The following FHIP2A variants were observed in gnomAD, a reference collection of about 807,000 sequenced individuals.
FHIP2A encodes the protein family with sequence similarity 160 member B1.
Under a neutral mutation model 93.5 loss-of-function variants are expected in FHIP2A, and 46 were observed. The observed-to-expected ratio is 0.49, with a 90% CI of 0.39 to 0.63. The LOEUF (loss-of-function observed/expected upper bound fraction) is 0.63. Ranked by LOEUF, FHIP2A falls within the 20% of genes least tolerant of loss-of-function variation. The pLI is 0.00. For synonymous variants in FHIP2A, 332 were observed against 326.5 expected, an observed-to-expected ratio of 1.02 and a Z score of -0.18; for missense variants, 769 against 909.7, an observed-to-expected ratio of 0.85 and a Z score of 1.99.
chr10:114,852,999 A>C (rs1453205597), intron 13 of FHIP2A, among the ~76,000 whole-genome samples: 1 of 151,870 alleles, frequency 6.6e-6, no homozygotes, highest in Non-Finnish European at 1.5e-5. Flanking sequence ...TATTCTTTTT[A>C]CCCTCTTCCT....
rs2083750524 is a variant in FHIP2A at position 114,853,817 on chromosome 10, G to A, written c.1804-1380G>A. On this transcript the variant is annotated intron_variant, in intron 13 of 16. Transcript: ENST00000369248. The stretch of plus-strand genomic sequence containing the variant: ...AGCTGGAGACCAGCCTGGCCAACAT[G>A]GTGAAACCCCATCTCTACTAAAAAT... Among the ~76,000 whole-genome samples, 4 of 152,060 alleles carry A rather than the reference G, an allele frequency of 2.6e-5. No homozygotes were observed. The South Asian group carries it at 6.2e-4, about 24-fold the overall frequency.
intron 16 of FHIP2A, among the ~76,000 whole-genome samples, chr10:114,895,702 A>G (rs2083997691): frequency 6.6e-6 from 1 of 152,202 alleles, no homozygotes; most frequent in Non-Finnish European, 1.5e-5. Flanking sequence ...CAGTGAGTAA[A>G]TACATGGTAG....
intron 13 of FHIP2A, among the ~76,000 whole-genome samples, chr10:114,851,921 TTA>T (rs2083739364): frequency 6.6e-6 from 1 of 152,190 alleles, no homozygotes; most frequent in Non-Finnish European, 1.5e-5. Context: ...ACTTCCTTCA[TTA>T]AATCTATTCC....
chr10:114,870,113 A>G (rs1046576317), intron 16 of FHIP2A, among the ~76,000 whole-genome samples: 11 of 152,212 alleles, frequency 7.2e-5, no homozygotes, highest in Admixed American at 3.9e-4. Context: ...TGCCATTGCT[A>G]TACTCTGATA....
At chr10:114,885,609 G>A (rs1331581979) in intron 16 of FHIP2A, among the ~76,000 whole-genome samples, 1 of 152,158 alleles carries the variant, frequency 6.6e-6, no homozygotes, top group Non-Finnish European at 1.5e-5. Context: ...TTAAATAGCT[G>A]TGCTGCAATC....
At chr10:114,884,031 C>T (rs2083929914) in intron 16 of FHIP2A, among the ~76,000 whole-genome samples, 1 of 152,176 alleles carries the variant, frequency 6.6e-6, no homozygotes, top group Non-Finnish European at 1.5e-5. Flanking sequence ...ACATCTATTT[C>T]ACTATGTAAT....
At chr10:114,830,445 G>T (rs1406269628) in intron 1 of FHIP2A, among the ~76,000 whole-genome samples, 1 of 151,684 alleles carries the variant, frequency 6.6e-6, no homozygotes, top group Admixed American at 6.6e-5. Flanking sequence ...GCTAATTTTT[G>T]TATTTTTAGT....
chr10:114,863,993 A>G lies in FHIP2A; in HGVS notation c.*2453A>G, dbSNP rs1481593369. 1.1e-5 allele frequency: 12 copies of G among 1,052,702 alleles called. No homozygotes were observed. The highest frequency in any genetic ancestry group is 1.4e-5 in the Non-Finnish European group (12 of 870,074). 65.2% of individuals were successfully genotyped at this position (1,052,702 alleles called of 1,614,324 possible). A position where few individuals can be genotyped will look rare whatever the true frequency, so the allele number is the denominator to read the frequency against. On this transcript the variant is annotated 3_prime_UTR_variant, in exon 17 of 17. Transcript: ENST00000369248. ...CTCAGATTTGTCTTAGCCTATTGCCATATAGTACTCACCTTATAACTATGT... is the reference window on the plus strand; with the variant it reads ...CTCAGATTTGTCTTAGCCTATTGCCGTATAGTACTCACCTTATAACTATGT...
downstream of FHIP2A, among the ~76,000 whole-genome samples, chr10:114,869,511 G>A (rs2083846599): frequency 6.6e-6 from 1 of 152,122 alleles, no homozygotes; most frequent in African/African-American, 2.4e-5. Context: ...AGCTGCGTTG[G>A]TGTTGGGCTC....
chr10:114,847,098 A>G lies in FHIP2A; in HGVS notation c.1577A>G (p.Glu526Gly). The G allele has an allele frequency of 6.2e-7, 1 of 1,607,494 alleles. No individual in the cohort carries two copies. Among genetic ancestry groups the G allele is most frequent in the Non-Finnish European group, 8.5e-7 (1 of 1,177,360 alleles). Residue 526 changes from glutamate (E) to glycine (G), a missense_variant, in exon 12 of 17, where the codon GAA (glutamate) becomes GGA (glycine). Physicochemically the swap from Glu to Gly is moderately conservative, Grantham distance 98. Coordinates refer to ENST00000369248, the MANE Select transcript of FHIP2A (RefSeq NM_020940.4). ...CATTAAATTTAACTTAGAGATCTGG[A>G]AGAAGATCCATTATTTACTGACATT... Reference protein sequence around the residue: ...NGLIAGAVDLEEDPLFTDISP... With the variant: ...NGLIAGAVDLGEDPLFTDISP...
intron 16 of FHIP2A, among the ~76,000 whole-genome samples, chr10:114,882,678 G>A (rs920100836): frequency 4.6e-5 from 7 of 152,114 alleles, no homozygotes. Context: ...TTTGAGACCA[G>A]CCTGGCCACC....
chr10:114,874,279 A>G (rs1322012424), intron 16 of FHIP2A, among the ~76,000 whole-genome samples: 1 of 152,184 alleles, frequency 6.6e-6, no homozygotes, highest in Non-Finnish European at 1.5e-5. Context: ...TTTTTCCCAA[A>G]GGAATCACAT....
At chr10:114,882,254 T>C (rs925105183) in intron 16 of FHIP2A, among the ~76,000 whole-genome samples, 1 of 152,214 alleles carries the variant, frequency 6.6e-6, no homozygotes, top group Non-Finnish European at 1.5e-5. Context: ...AATGAGGCAG[T>C]CTGTCCCCAG....
In FHIP2A at chr10:114,836,265, C is replaced by G; in HGVS notation, c.522+19C>G. ...CCTAGAGGTATGATACACTTTTTAT[C>G]AACTTTCAAACTGTAGTTATATTAA... is the stretch of plus-strand genomic sequence containing the variant. On this transcript the variant is annotated intron_variant, in intron 5 of 16. Coordinates refer to ENST00000369248, the MANE Select transcript of FHIP2A (RefSeq NM_020940.4). 6.4e-7 allele frequency: 1 copy of G among 1,555,388 alleles called. No homozygotes were observed. Among genetic ancestry groups the G allele is most frequent in the South Asian group, 1.2e-5 (1 of 84,308 alleles).
At chr10:114,898,582 C>T (rs147794502) in intron 16 of FHIP2A, among the ~76,000 whole-genome samples, 14 of 152,252 alleles carry the variant, frequency 9.2e-5, no homozygotes, top group Non-Finnish European at 1.6e-4. Flanking sequence ...TCACTCTCCC[C>T]GACTCTTAGG....
chr10:114,836,337 T>G, intron 5 of FHIP2A, 91 bp downstream of exon 5: 4 of 1,040,522 alleles, frequency 3.8e-6, no homozygotes, highest in African/African-American at 1.6e-5. Flanking sequence ...GAAGGAGCTC[T>G]GTTTTGCAGG....
intron 16 of FHIP2A, among the ~76,000 whole-genome samples, chr10:114,895,619 G>A (rs1219723221): frequency 6.6e-6 from 1 of 152,114 alleles, no homozygotes; most frequent in East Asian, 1.9e-4. Context: ...GTCAAGAGGG[G>A]ACCAGTATCC....
intron 16 of FHIP2A, among the ~76,000 whole-genome samples, chr10:114,888,644 C>G (rs1032016211): frequency 2.6e-5 from 4 of 151,914 alleles, no homozygotes; most frequent in Non-Finnish European, 5.9e-5. Context: ...GCTCTGTCGC[C>G]CAGGCTGGAG....
At chr10:114,897,307 C>T (rs1273763322) in intron 16 of FHIP2A, among the ~76,000 whole-genome samples, 5 of 152,134 alleles carry the variant, frequency 3.3e-5, no homozygotes, top group Admixed American at 6.5e-5. Context: ...CAATGGAAAC[C>T]GGACATAGCA....
Sources: allele counts gnomAD v4.1 joint callset (sites outside exome capture counted in the v4.1 genomes callset), GRCh38; gene constraint gnomAD v4.1.1; transcripts MANE v1.5; gene names NCBI Gene and HGNC (gene_info 2026-07-23, HGNC 2026-07-21).